CCDC148: variants seen among roughly 807,000 people sequenced by gnomAD.
CCDC148 encodes coiled-coil domain-containing protein 148.
Under a neutral mutation model 85.7 loss-of-function variants are expected in CCDC148, and 89 were observed. The ratio of observed to expected loss-of-function variants is 1.04; its 90% confidence interval spans 0.87 to 1.24. The LOEUF (loss-of-function observed/expected upper bound fraction) is 1.24. Among genes scored for constraint, CCDC148 ranks in the 50% most tolerant of loss-of-function variants. The pLI is 0.00. For synonymous variants in CCDC148, 230 were observed against 213.9 expected, an observed-to-expected ratio of 1.08 and a Z score of -0.66; for missense variants, 692 against 671.7, an observed-to-expected ratio of 1.03 and a Z score of -0.33.
intron 9 of CCDC148, among the ~76,000 whole-genome samples, chr2:158,274,349 C>G (rs2105165754): frequency 6.9e-6 from 1 of 145,842 alleles, no homozygotes; most frequent in African/African-American, 2.5e-5. Context: ...TAGAAAATTA[C>G]TGACAGCAAC....
chr2:158,177,060 G>T (rs1394646865), intron 12 of CCDC148, among the ~76,000 whole-genome samples: 2 of 151,802 alleles, frequency 1.3e-5, no homozygotes, highest in Non-Finnish European at 2.9e-5. Context: ...TATGGTTATG[G>T]TAACAACCCC....
At chr2:158,345,150 T>A in intron 3 of CCDC148, 65 bp downstream of exon 3, 2 of 1,108,382 alleles carry the variant, frequency 1.8e-6, no homozygotes, top group South Asian at 2.9e-5. Flanking sequence ...TTATAGAACA[T>A]CTGACAAGAT....
intron 8 of CCDC148, among the ~76,000 whole-genome samples, chr2:158,312,548 C>T (rs1692074461): frequency 7.1e-6 from 1 of 140,660 alleles, no homozygotes. Flanking sequence ...CACCACTGCA[C>T]TCCAGCCTGG....
intron 11 of CCDC148, among the ~76,000 whole-genome samples, chr2:158,217,332 T>TTG (rs200798732): frequency 9.1e-4 from 57 of 62,602 alleles, no homozygotes; most frequent in East Asian, 8.5e-3. Context: ...ATATATAATT[T>TTG]TGTGTATATA....
intron 1 of CCDC148, among the ~76,000 whole-genome samples, chr2:158,386,601 A>C (rs1685096489): frequency 6.6e-6 from 1 of 152,124 alleles, no homozygotes; most frequent in Non-Finnish European, 1.5e-5. Context: ...TCTCAACCCA[A>C]AGAGAGATGC....
intron 13 of CCDC148, among the ~76,000 whole-genome samples, chr2:158,172,640 G>T (rs1175445445): frequency 6.6e-6 from 1 of 152,024 alleles, no homozygotes; most frequent in East Asian, 1.9e-4. Flanking sequence ...CACAAAAAAA[G>T]CATCTTAATT....
chr2:158,355,400 T>C (rs1321194810), intron 2 of CCDC148, among the ~76,000 whole-genome samples: 2 of 152,136 alleles, frequency 1.3e-5, no homozygotes, highest in East Asian at 1.9e-4. Context: ...ACAAAGTCAA[T>C]GTACAAAAAT....
At chr2:158,359,471 A>G (rs560465787) in intron 1 of CCDC148, among the ~76,000 whole-genome samples, 1 of 152,218 alleles carries the variant, frequency 6.6e-6, no homozygotes, top group African/African-American at 2.4e-5. Context: ...TGCATTTCCA[A>G]CTGAGGTGCC....
intron 1 of CCDC148, among the ~76,000 whole-genome samples, chr2:158,381,711 A>T (rs1684875284): frequency 6.6e-6 from 1 of 152,122 alleles, no homozygotes; most frequent in Non-Finnish European, 1.5e-5. Flanking sequence ...GGCAACAAAC[A>T]GATACTGACT....
chr2:158,370,833 A>G (rs1403395161), intron 1 of CCDC148, among the ~76,000 whole-genome samples: 1 of 151,800 alleles, frequency 6.6e-6, no homozygotes, highest in African/African-American at 2.4e-5. Context: ...TAAACTATAT[A>G]AGAAGTTTGT....
chr2:158,289,460 A>C (rs1690787048), intron 9 of CCDC148, among the ~76,000 whole-genome samples: 1 of 152,268 alleles, frequency 6.6e-6, no homozygotes. Context: ...CCAGATAGCC[A>C]TTAAACATGC....
At chr2:158,317,596 T>C (rs897789908) in intron 7 of CCDC148, among the ~76,000 whole-genome samples, 1 of 152,214 alleles carries the variant, frequency 6.6e-6, no homozygotes, top group African/African-American at 2.4e-5. Context: ...AATCCTAAAG[T>C]GACTCACAAT....
intron 10 of CCDC148, among the ~76,000 whole-genome samples, chr2:158,225,722 A>G (rs892153527): frequency 6.6e-6 from 1 of 152,248 alleles, no homozygotes; most frequent in Non-Finnish European, 1.5e-5. Flanking sequence ...ACATAATGAA[A>G]TGAAGGCAGA....
intron 1 of CCDC148, among the ~76,000 whole-genome samples, chr2:158,406,615 T>TTTTTTTTTTTTTTTTTTTTTTTG (rs1686017866): frequency 2.9e-5 from 2 of 67,962 alleles, no homozygotes; most frequent in Non-Finnish European, 5.6e-5. Flanking sequence ...TTAAATTTCT[T>TTTTTTTTTTTTTTTTTTTTTTTG]TTTTTTTTTT....
chr2:158,193,416 G>C (rs544285100), intron 11 of CCDC148, among the ~76,000 whole-genome samples: 39 of 152,180 alleles, frequency 2.6e-4, no homozygotes, highest in African/African-American at 8.4e-4. Flanking sequence ...ATCAGCTATG[G>C]AAGTCCTAGG....
At chr2:158,331,329 C>A (rs557140168) in intron 7 of CCDC148, among the ~76,000 whole-genome samples, 1 of 152,284 alleles carries the variant, frequency 6.6e-6, no homozygotes, top group East Asian at 1.9e-4. Flanking sequence ...GAGTGAGTTT[C>A]TTAATCCTGA....
intron 3 of CCDC148, among the ~76,000 whole-genome samples, chr2:158,342,388 T>C (rs894619877): frequency 1.2e-4 from 18 of 152,294 alleles, no homozygotes; most frequent in African/African-American, 4.1e-4. Context: ...AAGTGATACC[T>C]CACTGTCTAT....
At chr2:158,330,597 T>C (rs1361573807) in intron 7 of CCDC148, among the ~76,000 whole-genome samples, 1 of 152,234 alleles carries the variant, frequency 6.6e-6, no homozygotes, top group Non-Finnish European at 1.5e-5. Context: ...CAGCTCCTCC[T>C]TATACCTCTG....
intron 1 of CCDC148, among the ~76,000 whole-genome samples, chr2:158,432,871 C>T (rs577147603): frequency 8.6e-5 from 13 of 150,832 alleles, no homozygotes; most frequent in East Asian, 2.0e-4. Context: ...GTTAGGAGTT[C>T]GACACCAGCC....
Sources: allele counts gnomAD v4.1 joint callset (sites outside exome capture counted in the v4.1 genomes callset), GRCh38; gene constraint gnomAD v4.1.1; transcripts MANE v1.5; gene names NCBI Gene and HGNC (gene_info 2026-07-23, HGNC 2026-07-21).